TENM3: variants seen among roughly 807,000 people sequenced by gnomAD.
TENM3 encodes teneurin transmembrane protein 3.
A neutral mutation model predicts 255.1 loss-of-function variants in TENM3; 63 were observed. The ratio of observed to expected loss-of-function variants is 0.25; its 90% CI spans 0.20 to 0.30. The LOEUF (loss-of-function observed/expected upper bound fraction) is 0.30, where lower values mean the gene tolerates loss of function less well. TENM3 is among the 10% of genes least tolerant of loss of function. The pLI, the probability that TENM3 is intolerant of heterozygous loss-of-function variation, is 1.00. For synonymous variants in TENM3, 1,306 were observed against 1,322.3 expected, an observed-to-expected ratio of 0.99 and a Z score of 0.27; for missense variants, 2,929 against 3,461.1, an observed-to-expected ratio of 0.85 and a Z score of 3.86.
intron 7 of TENM3, among the ~76,000 whole-genome samples, chr4:182,679,118 T>C (rs1755897655): frequency 6.6e-6 from 1 of 151,934 alleles, no homozygotes; most frequent in African/African-American, 2.4e-5. Context: ...AGATGATGGA[T>C]TGATGGGTGC....
the TENM3 span, among the ~76,000 whole-genome samples, chr4:181,776,014 T>G: frequency 6.6e-6 from 1 of 152,256 alleles, no homozygotes; most frequent in Admixed American, 6.5e-5. Flanking sequence ...ACATTACATC[T>G]TAGTCCCTCT....
the TENM3 span, among the ~76,000 whole-genome samples, chr4:181,605,504 AAG>A: frequency 2.0e-4 from 3 of 15,148 alleles, no homozygotes; most frequent in Non-Finnish European, 3.0e-4. Context: ...GAAAGAAAGA[AAG>A]AAAGAAAGAA....
chr4:182,517,899 A>G (rs1738163967), intron 3 of TENM3, among the ~76,000 whole-genome samples: 1 of 152,178 alleles, frequency 6.6e-6, no homozygotes, highest in East Asian at 1.9e-4. Context: ...GTATATAACC[A>G]TGAGTGAAAC....
chr4:182,193,718 T>C (rs1263640023), intron 1 of TENM3, among the ~76,000 whole-genome samples: 1 of 152,220 alleles, frequency 6.6e-6, no homozygotes, highest in Non-Finnish European at 1.5e-5. Flanking sequence ...GATTCATCTG[T>C]TTTGTGTGAC....
the TENM3 span, among the ~76,000 whole-genome samples, chr4:181,994,823 A>G: frequency 6.6e-6 from 1 of 152,176 alleles, no homozygotes; most frequent in African/African-American, 2.4e-5. Context: ...AAAGTAGAAT[A>G]AATTAGAATG....
chr4:182,305,212 T>TAA (rs143543000), intron 1 of TENM3, among the ~76,000 whole-genome samples: 7 of 148,954 alleles, frequency 4.7e-5, no homozygotes, highest in Admixed American at 1.3e-4. Flanking sequence ...TAAACAGATC[T>TAA]AAAAAAAAAA....
At chr4:181,804,437 A>T in the TENM3 span, among the ~76,000 whole-genome samples, 1 of 152,196 alleles carries the variant, frequency 6.6e-6, no homozygotes, top group Admixed American at 6.5e-5. Flanking sequence ...AATAATAAAC[A>T]CAAGAAAAAA....
chr4:182,601,169 C>G lies in TENM3; in HGVS notation c.749+8C>G. On this transcript the variant is annotated splice_region_variant and intron_variant, in intron 4 of 27. Transcript: ENST00000511685. ...TGTACCACTGGAAAGCAGGTAACAT[C>G]TAAAATTTCAAAATAAGCTAGCCCA... 6.2e-7 allele frequency: 1 copy of G among 1,609,192 alleles called. No individual in the cohort carries two copies.
chr4:182,659,390 A>G (rs1754025165), intron 6 of TENM3, among the ~76,000 whole-genome samples: 2 of 152,188 alleles, frequency 1.3e-5, no homozygotes, highest in Admixed American at 1.3e-4. Context: ...TTCTATTAGT[A>G]TCTTTTTCTT....
the TENM3 span, among the ~76,000 whole-genome samples, chr4:181,516,681 C>T: frequency 6.6e-6 from 1 of 151,934 alleles, no homozygotes; most frequent in Admixed American, 6.6e-5. Context: ...GCGGCTGAGG[C>T]AGGAGAATCG....
chr4:181,924,013 A>G, the TENM3 span, among the ~76,000 whole-genome samples: 2 of 152,070 alleles, frequency 1.3e-5, no homozygotes, highest in African/African-American at 2.4e-5. Context: ...GGGCTCTTAC[A>G]TGTCTTACTG....
At chr4:182,466,275 G>A (rs1732581932) in intron 3 of TENM3, among the ~76,000 whole-genome samples, 1 of 152,152 alleles carries the variant, frequency 6.6e-6, no homozygotes, top group Non-Finnish European at 1.5e-5. Flanking sequence ...AAATCAAGGT[G>A]TTGACACAGC....
At chr4:181,642,556 C>A in the TENM3 span, among the ~76,000 whole-genome samples, 1 of 151,750 alleles carries the variant, frequency 6.6e-6, no homozygotes, top group Non-Finnish European at 1.5e-5. Flanking sequence ...ATGCCGATGT[C>A]CTGAATGGTA....
At chr4:182,133,066 T>C in the TENM3 span, among the ~76,000 whole-genome samples, 1 of 152,170 alleles carries the variant, frequency 6.6e-6, no homozygotes, top group Non-Finnish European at 1.5e-5. Context: ...ACCAGGTAAT[T>C]GCAGTAGTCA....
At chr4:181,675,603 G>A in the TENM3 span, among the ~76,000 whole-genome samples, 1 of 152,122 alleles carries the variant, frequency 6.6e-6, no homozygotes, top group African/African-American at 2.4e-5. Flanking sequence ...GGGCACTGCA[G>A]AAAGAGACAT....
At chr4:181,790,728 G>A in the TENM3 span, among the ~76,000 whole-genome samples, 13 of 152,164 alleles carry the variant, frequency 8.5e-5, no homozygotes, top group East Asian at 2.1e-3. Context: ...ATTCAGAGGC[G>A]TTCAGTACCA....
chr4:182,305,598 C>A (rs1762088378), intron 1 of TENM3, among the ~76,000 whole-genome samples: 1 of 152,208 alleles, frequency 6.6e-6, no homozygotes, highest in Non-Finnish European at 1.5e-5. Context: ...TCCTCTTTCA[C>A]TACAGTTCTT....
chr4:181,847,645 A>T, the TENM3 span, among the ~76,000 whole-genome samples: 1 of 152,096 alleles, frequency 6.6e-6, no homozygotes, highest in East Asian at 1.9e-4. Flanking sequence ...TGCAAATAGA[A>T]ATATATTGAT....
At chr4:182,136,006 T>C in the TENM3 span, among the ~76,000 whole-genome samples, 1 of 152,224 alleles carries the variant, frequency 6.6e-6, no homozygotes, top group Non-Finnish European at 1.5e-5. Flanking sequence ...CTTAATCACA[T>C]TAAATTTCAG....
Sources: allele counts gnomAD v4.1 joint callset (sites outside exome capture counted in the v4.1 genomes callset), GRCh38; gene constraint gnomAD v4.1.1; transcripts MANE v1.5; gene names NCBI Gene and HGNC (gene_info 2026-07-23, HGNC 2026-07-21).